MARCHF1: variants seen among roughly 807,000 people sequenced by gnomAD.
The protein encoded by MARCHF1 is E3 ubiquitin-protein ligase MARCHF1.
A neutral mutation model predicts 54.2 loss-of-function variants in MARCHF1; 40 were observed. That is an observed-to-expected ratio of 0.74 (90% CI 0.57 to 0.96). The LOEUF (loss-of-function observed/expected upper bound fraction) is 0.96. MARCHF1 is among the 40% of genes least tolerant of loss of function. The pLI, the probability that MARCHF1 is intolerant of heterozygous loss-of-function variation, is 0.00. For missense variants in MARCHF1, 586 were observed against 656.5 expected (o/e 0.89, Z 1.17); for synonymous variants, 236 against 236.3 (o/e 1.00, Z 0.01).
intron 1 of MARCHF1, chr4:164,188,266 G>A: frequency 3.5e-6 from 1 of 284,764 alleles, no homozygotes; most frequent in Admixed American, 4.6e-5. Context: ...CAGACCGACC[G>A]ACCGACTGGG....
chr4:163,983,628 TAGAA>T (rs1270016376), intron 3 of MARCHF1, among the ~76,000 whole-genome samples: 13 of 152,134 alleles, frequency 8.5e-5, no homozygotes, highest in South Asian at 2.1e-4. Context: ...GACCTGGTAA[TAGAA>T]AGAGCAGTAG....
intron 5 of MARCHF1, among the ~76,000 whole-genome samples, chr4:163,686,211 A>AATC (rs201801716): frequency 0.011 from 1,619 of 151,936 alleles, 23 homozygotes; most frequent in African/African-American, 0.035. Flanking sequence ...TTGTTGTGTT[A>AATC]ATAAAATAAT....
intron 4 of MARCHF1, among the ~76,000 whole-genome samples, chr4:163,755,328 C>CT (rs1285860336): frequency 6.6e-6 from 1 of 152,110 alleles, no homozygotes; most frequent in South Asian, 2.1e-4. Flanking sequence ...AGCTAATAAA[C>CT]TTTTTGTCCT....
intron 5 of MARCHF1, among the ~76,000 whole-genome samples, chr4:163,662,837 C>T (rs542694181): frequency 2.6e-5 from 4 of 151,930 alleles, no homozygotes; most frequent in South Asian, 2.1e-4. Flanking sequence ...TGAAGGCACA[C>T]GCTAAGGCCG....
At chr4:163,646,484 C>T (rs780597662) in intron 5 of MARCHF1, among the ~76,000 whole-genome samples, 11 of 151,944 alleles carry the variant, frequency 7.2e-5, no homozygotes, top group Non-Finnish European at 1.3e-4. Context: ...ACTCAGATTA[C>T]CTCAATACTG....
At chr4:164,228,275 C>T (rs2111171058) in intron 1 of MARCHF1, among the ~76,000 whole-genome samples, 1 of 152,234 alleles carries the variant, frequency 6.6e-6, no homozygotes, top group African/African-American at 2.4e-5. Context: ...GCTTTGCTAT[C>T]ACTAAAATTT....
intron 3 of MARCHF1, among the ~76,000 whole-genome samples, chr4:163,939,049 G>T (rs1751857357): frequency 6.6e-6 from 1 of 152,104 alleles, no homozygotes; most frequent in Admixed American, 6.6e-5. Flanking sequence ...AATCTCCTTT[G>T]TTACTAACCC....
At chr4:163,894,831 A>T (rs1750757794) in intron 3 of MARCHF1, among the ~76,000 whole-genome samples, 1 of 52,734 alleles carries the variant, frequency 1.9e-5, no homozygotes, top group Non-Finnish European at 4.9e-5. Context: ...GCATATATAT[A>T]TGCATGTGAT....
intron 5 of MARCHF1, among the ~76,000 whole-genome samples, chr4:163,697,710 A>T (rs1744679655): frequency 6.6e-6 from 1 of 152,194 alleles, no homozygotes; most frequent in Admixed American, 6.5e-5. Flanking sequence ...ATAAGCAGAT[A>T]AAAGGTAAGG....
At chr4:164,333,470 C>G (rs1353604861) in intron 1 of MARCHF1, among the ~76,000 whole-genome samples, 2 of 152,142 alleles carry the variant, frequency 1.3e-5, no homozygotes, top group African/African-American at 4.8e-5. Flanking sequence ...ATTATTATAT[C>G]TATTATGGTG....
chr4:163,771,885 A>C (rs1747171629), intron 4 of MARCHF1, among the ~76,000 whole-genome samples: 1 of 152,192 alleles, frequency 6.6e-6, no homozygotes, highest in Non-Finnish European at 1.5e-5. Flanking sequence ...AATCAAAGTT[A>C]AGTCATTACC....
chr4:163,563,224 T>C (rs578178795), intron 8 of MARCHF1, among the ~76,000 whole-genome samples: 1 of 152,350 alleles, frequency 6.6e-6, no homozygotes, highest in South Asian at 2.1e-4. Flanking sequence ...TTAATATTAA[T>C]GGTTTTACAT....
intron 5 of MARCHF1, among the ~76,000 whole-genome samples, chr4:163,667,159 T>A (rs746168731): frequency 9.2e-5 from 14 of 152,102 alleles, no homozygotes; most frequent in East Asian, 1.9e-4. Flanking sequence ...TAAAAAAAAA[T>A]TTATATTTTC....
chr4:163,547,154 C>T (rs1010275243), intron 8 of MARCHF1, among the ~76,000 whole-genome samples: 8 of 152,198 alleles, frequency 5.3e-5, no homozygotes, highest in African/African-American at 1.9e-4. Flanking sequence ...TACATAAAGT[C>T]CTGTCTCTGC....
intron 1 of MARCHF1, among the ~76,000 whole-genome samples, chr4:164,157,516 G>T (rs1284291093): frequency 6.6e-6 from 1 of 152,150 alleles, no homozygotes; most frequent in Non-Finnish European, 1.5e-5. Context: ...AAACTGAGTA[G>T]ATTAGAACAA....
chr4:164,313,057 T>C (rs1734904711), intron 1 of MARCHF1, among the ~76,000 whole-genome samples: 1 of 151,296 alleles, frequency 6.6e-6, no homozygotes, highest in Non-Finnish European at 1.5e-5. Flanking sequence ...ACGTGTAGGC[T>C]GGGAGCGGTG....
At chr4:164,323,770 A>C (rs1342038500) in intron 1 of MARCHF1, among the ~76,000 whole-genome samples, 1 of 151,714 alleles carries the variant, frequency 6.6e-6, no homozygotes, top group Admixed American at 6.6e-5. Flanking sequence ...GCAACATCTG[A>C]ATTACCAAGC....
At chr4:164,225,312 CA>C (rs1204982332) in intron 1 of MARCHF1, among the ~76,000 whole-genome samples, 1 of 151,952 alleles carries the variant, frequency 6.6e-6, no homozygotes, top group East Asian at 1.9e-4. Flanking sequence ...AAACTTTATA[CA>C]ATAAAATGGT....
chr4:164,192,713 A>G lies in MARCHF1; in HGVS notation c.-322-81051T>C, dbSNP rs531532850. ...CCCAAACAAGATAACAAAACAATAA[A>G]TCATAAAAGTTAAAAGTATGAAACA... On this transcript the variant is annotated intron_variant, in intron 1 of 9. Coordinates refer to ENST00000514618, the MANE Select transcript of MARCHF1 (RefSeq NM_001394959.1). Among the ~76,000 whole-genome samples, 3 of 152,350 alleles carry G rather than the reference A, an allele frequency of 2.0e-5. No individual in the cohort carries two copies. The South Asian group carries it at 6.2e-4, about 32-fold the overall frequency.
Sources: allele counts gnomAD v4.1 joint callset (sites outside exome capture counted in the v4.1 genomes callset), GRCh38; gene constraint gnomAD v4.1.1; transcripts MANE v1.5; gene names NCBI Gene and HGNC (gene_info 2026-07-23, HGNC 2026-07-21).